PIGN: variants seen among roughly 807,000 people sequenced by gnomAD.
PIGN encodes the protein phosphatidylinositol glycan anchor biosynthesis class N.
In PIGN, 117 loss-of-function variants were observed where a neutral mutation model predicts 125.4. That is an observed-to-expected ratio of 0.93 (90% CI 0.80 to 1.09). The LOEUF (loss-of-function observed/expected upper bound fraction) is 1.09. Ranked by LOEUF, PIGN falls within the 50% of genes least tolerant of loss-of-function variation. The probability of loss-of-function intolerance (pLI) is 0.00; values close to 1 mark genes in which losing one functional copy is unlikely to be tolerated. For missense variants in PIGN, 1,075 were observed against 1,094.9 expected, an observed-to-expected ratio of 0.98 and a Z score of 0.26; for synonymous variants, 392 against 377.8, an observed-to-expected ratio of 1.04 and a Z score of -0.44.
At chr18:62,133,945 T>C (rs2035832382) in intron 14 of PIGN, among the ~76,000 whole-genome samples, 1 of 152,222 alleles carries the variant, frequency 6.6e-6, no homozygotes, top group Non-Finnish European at 1.5e-5. Context: ...GGTACTTGCC[T>C]ACATTTTTAA....
chr18:62,116,264 T>C (rs931491273), intron 14 of PIGN, among the ~76,000 whole-genome samples: 8 of 152,234 alleles, frequency 5.3e-5, no homozygotes, highest in Admixed American at 3.9e-4. Flanking sequence ...TATATCTAAG[T>C]TGAATTTCCC....
At chr18:62,141,817 T>C (rs909520923) in intron 11 of PIGN, among the ~76,000 whole-genome samples, 2 of 152,214 alleles carry the variant, frequency 1.3e-5, no homozygotes, top group African/African-American at 4.8e-5. Flanking sequence ...GCCTCCCTTC[T>C]TCTGCCTCAC....
chr18:62,026,928 C>T (rs1262294128), intron 23 of PIGN, among the ~76,000 whole-genome samples: 2 of 152,168 alleles, frequency 1.3e-5, no homozygotes, highest in African/African-American at 2.4e-5. Flanking sequence ...GGGGCCAAGG[C>T]GCGGTGGCTC....
chr18:62,137,251 A>T, intron 14 of PIGN: 1 of 408,540 alleles, frequency 2.4e-6, no homozygotes. Flanking sequence ...TTGGACTTAC[A>T]CCAGTGGTTT....
chr18:62,072,646 A>G (rs780625490), intron 30 of PIGN, 27 bp downstream of exon 30: 2 of 1,547,880 alleles, frequency 1.3e-6, no homozygotes, highest in Non-Finnish European at 1.8e-6. Flanking sequence ...CCTGTTGTTA[A>G]GCAATGCATG....
intron 23 of PIGN, among the ~76,000 whole-genome samples, chr18:62,025,552 C>T (rs187841469): frequency 2.6e-5 from 4 of 152,314 alleles, no homozygotes; most frequent in African/African-American, 9.6e-5. Context: ...AAAGACGTTA[C>T]ATGCCATGCT....
chr18:62,126,570 T>C (rs533352393), intron 14 of PIGN, among the ~76,000 whole-genome samples: 9 of 152,286 alleles, frequency 5.9e-5, no homozygotes, highest in African/African-American at 2.2e-4. Flanking sequence ...GAAAATCTAT[T>C]TTACAAAATG....
At position 62,148,240 on chromosome 18, in the gene PIGN, G is replaced by A. The variant is rs369098270; in HGVS notation, c.648C>T (p.Asn216=). 2.1e-5 allele frequency: 32 copies of A among 1,542,054 alleles called. No homozygotes were observed. Among genetic ancestry groups the A allele is most frequent in the South Asian group, 1.1e-4 (9 of 81,208 alleles). Residue 216 remains asparagine, a synonymous_variant, in exon 8 of 31, where the codon AAC becomes AAT. Transcript: ENST00000640252. ...TCGAGGATGGTCGATGAGCATGTCC[G>A]TTTGTATCTATTCCTAATAAATGTA... ...FFLHLLGIDT[N]GHAHRPSSRD... is the part of the protein sequence containing the mutation.
chr18:62,036,819 C>T (rs1352503357), downstream of PIGN, among the ~76,000 whole-genome samples: 2 of 152,172 alleles, frequency 1.3e-5, no homozygotes, highest in African/African-American at 4.8e-5. Context: ...CATTCAACTG[C>T]CCATAACTTT....
intron 14 of PIGN, among the ~76,000 whole-genome samples, chr18:62,135,384 C>G (rs1450641732): frequency 6.6e-6 from 1 of 151,992 alleles, no homozygotes; most frequent in Non-Finnish European, 1.5e-5. Context: ...GGGCTGGTCA[C>G]TATGCTCTAG....
rs528928964 is a variant in PIGN, at chr18:62,062,726, T to G, written c.2672+9947A>C. Reference sequence around the variant, plus strand: ...AATATAATATTTTAATATGTATACATAAATCATTGAAACATAAAGTTAACA... The same window carrying G: ...AATATAATATTTTAATATGTATACAGAAATCATTGAAACATAAAGTTAACA... On this transcript the variant is annotated intron_variant, in intron 30 of 30. Coordinates refer to ENST00000640252, the MANE Select transcript of PIGN (RefSeq NM_176787.5). Among the ~76,000 whole-genome samples the G allele has an allele frequency of 2.1e-4, 32 of 152,166 alleles. 1 individual carries two copies. Among genetic ancestry groups the G allele is most frequent in the African/African-American group, 6.0e-4 (25 of 41,538 alleles).
chr18:62,125,049 T>C (rs1171956055), intron 14 of PIGN, among the ~76,000 whole-genome samples: 1 of 151,990 alleles, frequency 6.6e-6, no homozygotes, highest in Non-Finnish European at 1.5e-5. Flanking sequence ...AAATATACAA[T>C]TTGTACATAC....
chr18:62,165,009 C>T (rs2037080894), intron 1 of PIGN, among the ~76,000 whole-genome samples: 1 of 152,132 alleles, frequency 6.6e-6, no homozygotes, highest in Non-Finnish European at 1.5e-5. Context: ...AATTTGACCC[C>T]ATTGTGGCTG....
At chr18:62,101,626 C>T (rs913609510) in intron 21 of PIGN, among the ~76,000 whole-genome samples, 12 of 152,204 alleles carry the variant, frequency 7.9e-5, no homozygotes, top group South Asian at 2.1e-4. Flanking sequence ...TTATAAGTTC[C>T]CTGTTGCTCT....
At chr18:62,168,591 C>G (rs1174571231) in intron 1 of PIGN, among the ~76,000 whole-genome samples, 2 of 152,112 alleles carry the variant, frequency 1.3e-5, no homozygotes, top group Non-Finnish European at 2.9e-5. Flanking sequence ...TAATGATACT[C>G]TCTTATACAC....
At chr18:62,051,727 T>G (rs2031310961) in intron 30 of PIGN, 1 of 150,278 alleles carries the variant, frequency 6.7e-6, no homozygotes, top group African/African-American at 2.5e-5. Context: ...TTTTAGTTAT[T>G]TCTTGCCTTC....
chr18:62,112,421 G>T (rs564164430), intron 16 of PIGN: 2 of 152,132 alleles, frequency 1.3e-5, no homozygotes, highest in Admixed American at 6.5e-5. Flanking sequence ...CAAAGGAAAT[G>T]AAAGTGGCAT....
At position 62,109,967 on chromosome 18, in the gene PIGN, T is replaced by G; in HGVS notation, c.1441A>C (p.Ser481Arg). The change falls in exon 17 of 31, where the codon AGC (serine) becomes CGC (arginine). Residue 481 changes from serine to arginine, a missense_variant. Coordinates refer to ENST00000640252, the MANE Select transcript of PIGN (RefSeq NM_176787.5). ...ACAAAACTACAAGGCAGGAGATGGC[T>G]TGGTTTCTGAAAAATCAAACAAAAC... ...KGVSKEVKKP[S>R]HLLPCSFVAI... The G allele has an allele frequency of 6.2e-7, 1 of 1,613,318 alleles. No individual in the cohort carries two copies. The highest frequency in any genetic ancestry group is 1.1e-5 in the South Asian group (1 of 91,056).
chr18:62,074,889 C>A, intron 28 of PIGN, 68 bp from the exon 29 acceptor site: 1 of 1,061,058 alleles, frequency 9.4e-7, no homozygotes, highest in East Asian at 2.5e-5. Flanking sequence ...CATTAAAATC[C>A]AAGTGAGACT....
Sources: gnomAD v4.1 joint callset for allele counts (sites outside exome capture counted in the v4.1 genomes callset) on GRCh38, gnomAD v4.1.1 for gene constraint, MANE v1.5 for transcripts, NCBI Gene and HGNC (gene_info 2026-07-23, HGNC 2026-07-21) for gene names.